RBFOX1: variants seen among roughly 807,000 people sequenced by gnomAD.
The protein encoded by RBFOX1 is RNA binding protein fox-1 homolog 1.
Under a neutral mutation model 57.7 loss-of-function variants are expected in RBFOX1, and 8 were observed. The ratio of observed to expected loss-of-function variants is 0.14; its 90% confidence interval spans 0.08 to 0.25. The LOEUF is 0.25. Ranked by LOEUF, RBFOX1 falls within the 10% of genes least tolerant of loss-of-function variation. RBFOX1 has a pLI of 1.00. For synonymous variants in RBFOX1, 326 were observed against 222.4 expected (o/e 1.47, Z -4.15); for missense variants, 611 against 548.5 (o/e 1.11, Z -1.14).
At chr16:7,684,191 G>T (rs1428269806) in intron 14 of RBFOX1, among the ~76,000 whole-genome samples, 1 of 152,098 alleles carries the variant, frequency 6.6e-6, no homozygotes, top group Non-Finnish European at 1.5e-5. Flanking sequence ...GTACATGCAT[G>T]TAAGCAGTCA....
intron 4 of RBFOX1, among the ~76,000 whole-genome samples, chr16:7,356,721 A>G (rs993117612): frequency 2.0e-5 from 3 of 152,260 alleles, no homozygotes; most frequent in African/African-American, 7.2e-5. Flanking sequence ...AATAAGACAA[A>G]TACGTTAAAG....
chr16:6,381,513 T>A (rs1182344685), intron 2 of RBFOX1, among the ~76,000 whole-genome samples: 1 of 152,188 alleles, frequency 6.6e-6, no homozygotes, highest in East Asian at 1.9e-4. Context: ...CTTTGGAGTT[T>A]GTGTGACCAT....
At chr16:6,195,114 A>G (rs1057045196) in intron 1 of RBFOX1, among the ~76,000 whole-genome samples, 2 of 152,254 alleles carry the variant, frequency 1.3e-5, no homozygotes, top group African/African-American at 4.8e-5. Context: ...ATGCTGATGT[A>G]AAATACCCAG....
rs899156799 is a variant in RBFOX1, at chr16:7,642,910, G to A, written c.758-10905G>A. Among the ~76,000 whole-genome samples the A allele has an allele frequency of 2.6e-5, 4 of 152,226 alleles. No homozygotes were observed. In the East Asian group the frequency reaches 5.8e-4, roughly 22 times the overall value. Reference sequence around the variant, plus strand: ...GACTGAGACTCATTCTCATTTTGCCGAATGTTACAAAAATCCTGCCCGGCG... The same window carrying A: ...GACTGAGACTCATTCTCATTTTGCCAAATGTTACAAAAATCCTGCCCGGCG... On this transcript the variant is annotated intron_variant, in intron 11 of 15. Coordinates refer to ENST00000550418, the MANE Select transcript of RBFOX1 (RefSeq NM_018723.4).
chr16:6,367,645 A>G (rs2152884744), intron 2 of RBFOX1, among the ~76,000 whole-genome samples: 1 of 152,232 alleles, frequency 6.6e-6, no homozygotes, highest in South Asian at 2.1e-4. Context: ...ATACCATGAG[A>G]ACATGGGAGA....
At chr16:7,474,361 C>G (rs771945314) in intron 4 of RBFOX1, among the ~76,000 whole-genome samples, 10 of 152,144 alleles carry the variant, frequency 6.6e-5, no homozygotes, top group Non-Finnish European at 5.9e-5. Context: ...AGTAAATGGC[C>G]TCTTCTCACC....
intron 3 of RBFOX1, among the ~76,000 whole-genome samples, chr16:6,709,531 T>C (rs1167356135): frequency 2.0e-5 from 3 of 152,224 alleles, no homozygotes; most frequent in African/African-American, 7.2e-5. Flanking sequence ...TACATACTTC[T>C]TTCTACTTTT....
intron 3 of RBFOX1, among the ~76,000 whole-genome samples, chr16:7,041,522 C>G (rs1166719330): frequency 6.6e-6 from 1 of 152,138 alleles, no homozygotes; most frequent in South Asian, 2.1e-4. Context: ...TCCTCATTCG[C>G]CGTTGCACTC....
chr16:6,116,851 A>G (rs1423092288), intron 1 of RBFOX1, among the ~76,000 whole-genome samples: 1 of 152,014 alleles, frequency 6.6e-6, no homozygotes, highest in Admixed American at 6.6e-5. Context: ...AGAGGGAGAG[A>G]GAGGCTGGTG....
intron 3 of RBFOX1, among the ~76,000 whole-genome samples, chr16:6,720,812 A>G (rs1053155920): frequency 3.9e-5 from 6 of 152,194 alleles, no homozygotes; most frequent in African/African-American, 7.2e-5. Context: ...TGAAGGATTA[A>G]GGATGTTGCT....
chr16:7,014,064 A>G (rs1348869387), intron 3 of RBFOX1, among the ~76,000 whole-genome samples: 1 of 152,250 alleles, frequency 6.6e-6, no homozygotes, highest in East Asian at 1.9e-4. Flanking sequence ...CACTCAGTAT[A>G]TTAAAAATAA....
chr16:7,465,543 G>C (rs1173737301), intron 4 of RBFOX1, among the ~76,000 whole-genome samples: 2 of 152,322 alleles, frequency 1.3e-5, no homozygotes, highest in African/African-American at 2.4e-5. Flanking sequence ...TGCCTGCCAG[G>C]CTATTTGTGT....
chr16:6,792,358 T>G (rs906760616), intron 3 of RBFOX1, among the ~76,000 whole-genome samples: 1 of 152,186 alleles, frequency 6.6e-6, no homozygotes, highest in African/African-American at 2.4e-5. Flanking sequence ...ATTTTAGGAT[T>G]CTATAATTGC....
chr16:5,569,940 G>C (rs2046221232), intron 2 of RBFOX1, among the ~76,000 whole-genome samples: 1 of 152,138 alleles, frequency 6.6e-6, no homozygotes, highest in African/African-American at 2.4e-5. Flanking sequence ...ATATCATAAA[G>C]ATTAAAAACC....
At chr16:5,877,175 G>T (rs2057634185) in intron 4 of RBFOX1, among the ~76,000 whole-genome samples, 2 of 152,216 alleles carry the variant, frequency 1.3e-5, no homozygotes, top group East Asian at 3.8e-4. Context: ...AGGCTTAGCG[G>T]TTCTAGAATG....
In RBFOX1 at chr16:7,567,291, T is replaced by TATA. The variant is rs1359741149; in HGVS notation, c.271-12486_271-12485insATA. ...CCTATATATATATCCCTATATATCCTTATATATGGCCCTATATATATATAT... is the reference window on the plus strand; with the variant it reads ...CCTATATATATATCCCTATATATCCTATATATATATGGCCCTATATATATATAT... On this transcript the variant is annotated intron_variant, in intron 5 of 15. Transcript: ENST00000550418. Among the ~76,000 whole-genome samples the TATA allele has an allele frequency of 7.3e-4, 21 of 28,810 alleles. 1 individual carries two copies. The highest frequency in any genetic ancestry group is 2.0e-3 in the African/African-American group (20 of 9,900). The allele number at this position is 28,810 out of a possible 152,430, so 18.9% of individuals were successfully genotyped here. A position where few individuals can be genotyped will look rare whatever the true frequency, so the allele number is the denominator to read the frequency against.
chr16:5,423,589 G>C (rs965113685), intron 1 of RBFOX1, among the ~76,000 whole-genome samples: 2 of 152,116 alleles, frequency 1.3e-5, no homozygotes, highest in South Asian at 2.1e-4. Flanking sequence ...CTGCGTGTCT[G>C]TGAGGCCATT....
intron 1 of RBFOX1, chr16:6,059,330 C>A (rs544327586): frequency 6.6e-6 from 1 of 152,002 alleles, no homozygotes; most frequent in Admixed American, 6.6e-5. Flanking sequence ...AACAGGAGTG[C>A]GTGGTATCTC....
intron 5 of RBFOX1, among the ~76,000 whole-genome samples, chr16:7,578,859 G>A (rs1036804322): frequency 3.3e-5 from 5 of 152,174 alleles, no homozygotes; most frequent in African/African-American, 1.2e-4. Context: ...GATACCTAAT[G>A]TGACTGTGAC....
Sources: gnomAD v4.1 joint callset for allele counts (sites outside exome capture counted in the v4.1 genomes callset) on GRCh38, gnomAD v4.1.1 for gene constraint, MANE v1.5 for transcripts, NCBI Gene and HGNC (gene_info 2026-07-23, HGNC 2026-07-21) for gene names.